The following FCHO1 variants were observed in gnomAD, a reference collection of about 807,000 sequenced individuals.
The protein encoded by FCHO1 is FCH and mu domain containing endocytic adaptor 1, also known as F-BAR domain only protein 1.
In FCHO1, 45 loss-of-function variants were observed where a neutral mutation model predicts 114.4. The observed-to-expected ratio is 0.39, with a 90% confidence interval of 0.31 to 0.50. The LOEUF (loss-of-function observed/expected upper bound fraction) is 0.50, where lower values mean the gene tolerates loss of function less well. FCHO1 is among the 20% of genes least tolerant of loss of function. The pLI is 0.77. For synonymous variants in FCHO1, 480 were observed against 488.9 expected (o/e 0.98, Z 0.24); for missense variants, 1,042 against 1,209.6 (o/e 0.86, Z 2.06).
chr19:17,761,906 G>A (rs985546499), intron 4 of FCHO1, among the ~76,000 whole-genome samples: 13 of 150,956 alleles, frequency 8.6e-5, no homozygotes, highest in African/African-American at 2.7e-4. Flanking sequence ...TGGTCCGCCC[G>A]CCTCAGCCTC....
intron 12 of FCHO1, 30 bp downstream of exon 12, chr19:17,774,313 C>G (rs1176656423): frequency 6.2e-7 from 1 of 1,613,796 alleles, no homozygotes; most frequent in African/African-American, 1.3e-5. Context: ...GATGCCCAGG[C>G]TGGACCATGG....
intron 1 of FCHO1, among the ~76,000 whole-genome samples, chr19:17,752,696 C>T (rs949157269): frequency 7.0e-6 from 1 of 143,536 alleles, no homozygotes; most frequent in Non-Finnish European, 1.5e-5. Flanking sequence ...CTCAGGAGTT[C>T]GAGACTGGCC....
At position 17,774,438 on chromosome 19, in the gene FCHO1, C is replaced by G. The variant is rs1214262221; in HGVS notation, c.880C>G (p.Leu294Val). ...AGCCAAGGCCTTTCGCCTTCCAGGA[C>G]TAAGCCGGCGGGAGCGGGAGCCAGA... ...RGAKAFRLPG[L>V]SRREREPEPP... The change falls in exon 13 of 29, where the codon CTA becomes GTA. Residue 294 changes from leucine to valine, a missense_variant. Around this residue, in one of 3 missense-constraint regions of FCHO1, gnomAD observed 450 missense variants for 564.1 expected, o/e 0.80. Coordinates refer to ENST00000596536, the MANE Select transcript of FCHO1 (RefSeq NM_015122.3). 6.2e-7 allele frequency: 1 copy of G among 1,613,874 alleles called. No individual in the cohort carries two copies. Among genetic ancestry groups the G allele is most frequent in the Non-Finnish European group, 8.5e-7 (1 of 1,180,018 alleles).
chr19:17,780,944 C>T (rs529268826), intron 20 of FCHO1, among the ~76,000 whole-genome samples: 1 of 152,340 alleles, frequency 6.6e-6, no homozygotes, highest in East Asian at 1.9e-4. Flanking sequence ...CTGAACCCCC[C>T]TTACAGCATG....
chr19:17,772,883 G>A (rs2091941902), intron 11 of FCHO1, 142 bp downstream of exon 11: 6 of 630,324 alleles, frequency 9.5e-6, no homozygotes, highest in East Asian at 3.0e-5. Flanking sequence ...GGCTGGTCTC[G>A]AACTCTTGAC....
chr19:17,775,583 C>A lies in FCHO1; in HGVS notation c.1003+70C>A. 1 of 1,374,728 alleles carries A rather than the reference C, an allele frequency of 7.3e-7. No homozygotes were observed. Among genetic ancestry groups the A allele is most frequent in the Non-Finnish European group, 1.0e-6 (1 of 962,612 alleles). 85.2% of individuals were successfully genotyped at this position (1,374,728 alleles called of 1,614,324 possible). ...GACAAAATTCTCCGTAATAACCAGTCCACCTTCAGCAGTCCTCTCTGTGTA... is the reference window on the plus strand; with the variant it reads ...GACAAAATTCTCCGTAATAACCAGTACACCTTCAGCAGTCCTCTCTGTGTA... On this transcript the variant is annotated intron_variant, in intron 15 of 28. Transcript: ENST00000596536. This position sits in a 1 kb window ranked among gnomAD's most constrained non-coding sequence, Gnocchi z 5.1.
intron 7 of FCHO1, 87 bp downstream of exon 7, chr19:17,766,897 C>A: frequency 1.5e-6 from 2 of 1,375,078 alleles, no homozygotes; most frequent in Non-Finnish European, 2.0e-6. Context: ...GGCTTTATAA[C>A]CTGCGGATGT....
rs747188478 is a variant in FCHO1, at chr19:17,766,783, C to G, written c.309C>G (p.Gly103=). 4 of 1,613,962 alleles carry G rather than the reference C, an allele frequency of 2.5e-6. No individual in the cohort carries two copies. The highest frequency in any genetic ancestry group is 3.4e-6 in the Non-Finnish European group (4 of 1,180,004). The part of the protein sequence containing the change: ...QDLIKDVLRY[G]EEQLKTHKKC... ...TCATCAAGGACGTTCTCCGCTACGG[C>G]GAGGAACAGCTCAAGACCCACAAGA... The change falls in exon 7 of 29, where the codon GGC becomes GGG. Residue 103 remains glycine, a synonymous_variant. Transcript: ENST00000596536.
chr19:17,778,895 C>T lies in FCHO1; in HGVS notation c.1627+11C>T, dbSNP rs757524170. On this transcript the variant is annotated intron_variant, in intron 20 of 28. Coordinates refer to ENST00000596536, the MANE Select transcript of FCHO1 (RefSeq NM_015122.3). Reference sequence around the variant, plus strand: ...CCTTGGCCGGAGGAGGTGAGTCCAGCGGGCCTGGGCCTGAGAGTTGCTGGA... The same window carrying T: ...CCTTGGCCGGAGGAGGTGAGTCCAGTGGGCCTGGGCCTGAGAGTTGCTGGA... 1.2e-5 allele frequency: 18 copies of T among 1,537,850 alleles called. No individual in the cohort carries two copies. The highest frequency in any genetic ancestry group is 8.4e-5 in the South Asian group (7 of 82,954).
At position 17,774,770 on chromosome 19, in the gene FCHO1, T is replaced by TTTGCC. The variant is rs369090635; in HGVS notation, c.921-285_921-281dup. ...CCCAAGCTGGCCCAGGATTGTTCTG[T>TTTGCC]TTGCCAAGGCTAGCCCCGACTTTCC... On this transcript the variant is annotated intron_variant, in intron 13 of 28. Coordinates refer to ENST00000596536, the MANE Select transcript of FCHO1 (RefSeq NM_015122.3). 8.6e-5 allele frequency: 50 copies of TTTGCC among 581,908 alleles called. No individual in the cohort carries two copies. The African/African-American group carries it at 8.8e-4, about 10-fold the overall frequency. 36.0% of individuals were successfully genotyped at this position (581,908 alleles called of 1,614,324 possible). A position where few individuals can be genotyped will look rare whatever the true frequency, so the allele number is the denominator to read the frequency against.
At position 17,775,629 on chromosome 19, in the gene FCHO1, T is replaced by C. The variant is rs1312311965; in HGVS notation, c.1003+116T>C. On this transcript the variant is annotated intron_variant, in intron 15 of 28. Coordinates refer to ENST00000596536, the MANE Select transcript of FCHO1 (RefSeq NM_015122.3). This position sits in a 1 kb window ranked among gnomAD's most constrained non-coding sequence, Gnocchi z 5.1. ...GTGTACATCCTGGAGAGAGTCTCCT[T>C]TGTGGATGAAGCCAACCTAAATGTA... 2.9e-6 allele frequency: 3 copies of C among 1,032,730 alleles called. No homozygotes were observed. Among genetic ancestry groups the C allele is most frequent in the Non-Finnish European group, 4.5e-6 (3 of 664,944 alleles). The allele number at this position is 1,032,730 out of a possible 1,614,324, so 64.0% of individuals were successfully genotyped here.
intron 11 of FCHO1, 149 bp from the exon 12 acceptor site, chr19:17,774,090 G>A (rs2092240462): frequency 1.5e-6 from 1 of 673,046 alleles, no homozygotes; most frequent in Non-Finnish European, 2.6e-6. Context: ...TGTAATTTTA[G>A]CAGAGACAGG....
intron 11 of FCHO1, among the ~76,000 whole-genome samples, chr19:17,773,443 G>A (rs1568350586): frequency 6.6e-6 from 1 of 152,162 alleles, no homozygotes; most frequent in African/African-American, 2.4e-5. Context: ...TCTCCCTCCT[G>A]TCGCTCTGGC....
chr19:17,762,344 G>A (rs1401157796), intron 4 of FCHO1, among the ~76,000 whole-genome samples: 2 of 150,752 alleles, frequency 1.3e-5, no homozygotes, highest in African/African-American at 4.9e-5. Flanking sequence ...TCTTTCTAAG[G>A]TTCACGGTTT....
At chr19:17,782,631 C>G (rs956042080) in intron 23 of FCHO1, among the ~76,000 whole-genome samples, 1 of 152,088 alleles carries the variant, frequency 6.6e-6, no homozygotes. Context: ...TAGGGACAAG[C>G]GGAGTGCAGG....
At chr19:17,788,260 C>T in intron 28 of FCHO1, 24 bp from the exon 29 acceptor site, 1 of 1,505,794 alleles carries the variant, frequency 6.6e-7, no homozygotes, top group Middle Eastern at 1.9e-4. Flanking sequence ...CCCACCCCTC[C>T]CCCTCACAGC....
chr19:17,764,440 C>T lies in FCHO1; in HGVS notation c.185C>T (p.Thr62Ile). The T allele has an allele frequency of 1.2e-6, 2 of 1,612,578 alleles. No individual in the cohort carries two copies. Among genetic ancestry groups the T allele is most frequent in the Non-Finnish European group, 1.7e-6 (2 of 1,179,338 alleles). ...AKLSKLASNG[T>I]PMGTFAPLWE... Reference sequence around the variant, plus strand: ...CTCTCCAAGCTGGCCAGCAACGGGACCCCCATGGGGTGAGTGGGGTAGGGG... The same window carrying T: ...CTCTCCAAGCTGGCCAGCAACGGGATCCCCATGGGGTGAGTGGGGTAGGGG... The change falls in exon 6 of 29, where the codon ACC (threonine) becomes ATC (isoleucine). Residue 62 changes from threonine (T) to isoleucine (I), a missense_variant. By Grantham distance (89) the Thr-to-Ile change is moderately conservative. Coordinates refer to ENST00000596536, the MANE Select transcript of FCHO1 (RefSeq NM_015122.3).
rs1358992975 is a variant in FCHO1 at position 17,776,000 on chromosome 19, C to T, written c.1021C>T (p.Arg341Cys). Reference sequence around the variant, plus strand: ...CAGCCCACGCACGGCCGAGCCCTCCCGTTTCTCGTCCAGCGACTCCGACTT... The same window carrying T: ...CAGCCCACGCACGGCCGAGCCCTCCTGTTTCTCGTCCAGCGACTCCGACTT... ...VTQNSTAEPS[R>C]FSSSDSDFDD... The change falls in exon 16 of 29, where the codon CGT (arginine) becomes TGT (cysteine). Residue 341 changes from arginine (R) to cysteine (C), a missense_variant. Arg to Cys is a radical substitution (Grantham distance 180, BLOSUM62 -3). Coordinates refer to ENST00000596536, the MANE Select transcript of FCHO1 (RefSeq NM_015122.3). This position sits in a 1 kb window ranked among gnomAD's most constrained non-coding sequence, Gnocchi z 5.1. The T allele has an allele frequency of 1.4e-5, 22 of 1,608,266 alleles. No homozygotes were observed. Among genetic ancestry groups the T allele is most frequent in the Non-Finnish European group, 1.7e-5 (20 of 1,179,906 alleles).
rs1237823365 is a variant in FCHO1 at position 17,787,994 on chromosome 19, G to T, written c.2647+148G>T. The T allele has an allele frequency of 5.8e-6, 6 of 1,041,454 alleles. No homozygotes were observed. The Admixed American group carries it at 1.5e-4, about 26-fold the overall frequency. The allele number at this position is 1,041,454 out of a possible 1,614,324, so 64.5% of individuals were successfully genotyped here. The stretch of plus-strand genomic sequence containing the variant: ...AGGAGACCCCAGATGGGGGGCACAG[G>T]TGGGCAAGGAGGCAGGGCCCTGTGT... On this transcript the variant is annotated intron_variant, in intron 28 of 28. Transcript: ENST00000596536.
Sources: gnomAD v4.1 joint callset for allele counts (sites outside exome capture counted in the v4.1 genomes callset) on GRCh38, gnomAD v4.1.1 for gene constraint, gnomAD v4.1.1 regional missense constraint, Gnocchi (gnomAD v3.1) non-coding constraint, MANE v1.5 for transcripts, NCBI Gene and HGNC (gene_info 2026-07-23, HGNC 2026-07-21) for gene names.